ECI1: variants seen among roughly 807,000 people sequenced by gnomAD.
The protein encoded by ECI1 is enoyl-CoA delta isomerase 1.
In ECI1, 34 loss-of-function variants were observed where a neutral mutation model predicts 34.2. The ratio of observed to expected loss-of-function variants is 1.00; its 90% confidence interval spans 0.76 to 1.33. The LOEUF is 1.33. Ranked by LOEUF, ECI1 falls within the 40% of genes most tolerant of loss-of-function variation. ECI1 has a pLI of 0.00. For synonymous variants in ECI1, 211 were observed against 193.0 expected, an observed-to-expected ratio of 1.09 and a Z score of -0.77; for missense variants, 456 against 422.2, an observed-to-expected ratio of 1.08 and a Z score of -0.70.
Position 2,239,433 on chromosome 16 carries a change from C to T in ECI1, c.*546G>A, listed in dbSNP as rs2093522476. On this transcript the variant is annotated 3_prime_UTR_variant, in exon 7 of 7. Coordinates refer to ENST00000301729, the MANE Select transcript of ECI1 (RefSeq NM_001919.4). ...TGAGTTTGGTTCTTGCAAAATCCTT[C>T]TTAAGGGACATTTGGATCCCTGGCA... 1.2e-5 allele frequency: 2 copies of T among 168,358 alleles called. No homozygotes were observed. Among genetic ancestry groups the T allele is most frequent in the Non-Finnish European group, 2.6e-5 (2 of 76,660 alleles). 10.4% of individuals were successfully genotyped at this position (168,358 alleles called of 1,614,324 possible). A position where few individuals can be genotyped will look rare whatever the true frequency, so the allele number is the denominator to read the frequency against.
intron 4 of ECI1, among the ~76,000 whole-genome samples, 190 bp from the exon 5 acceptor site, chr16:2,243,629 C>T (rs768284054): frequency 2.0e-5 from 3 of 152,212 alleles, no homozygotes; most frequent in Non-Finnish European, 2.9e-5. Flanking sequence ...GGCCCCTTAG[C>T]GCTCGGCAAG....
chr16:2,251,081 A>C (rs1199068507), intron 2 of ECI1, among the ~76,000 whole-genome samples: 1 of 152,188 alleles, frequency 6.6e-6, no homozygotes, highest in Non-Finnish European at 1.5e-5. Context: ...CTGCCTCTTA[A>C]AGTGCTAGGA....
At chr16:2,245,502 G>A (rs765227457) in intron 3 of ECI1, among the ~76,000 whole-genome samples, 3 of 152,236 alleles carry the variant, frequency 2.0e-5, no homozygotes, top group Non-Finnish European at 4.4e-5. Flanking sequence ...TCCCAAACAG[G>A]TGTGAGCTGG....
intron 2 of ECI1, among the ~76,000 whole-genome samples, chr16:2,249,664 G>A (rs2093548127): frequency 6.6e-6 from 1 of 150,388 alleles, no homozygotes; most frequent in South Asian, 2.1e-4. Flanking sequence ...GAGGTCAGGA[G>A]ATCAAGACCA....
At position 2,244,547 on chromosome 16, in the gene ECI1, G is replaced by T; in HGVS notation, c.300C>A (p.Arg100=). Residue 100 remains arginine (R), a synonymous_variant, in exon 4 of 7, where the codon CGC becomes CGA. Coordinates refer to ENST00000301729, the MANE Select transcript of ECI1 (RefSeq NM_001919.4). The part of the protein sequence containing the change: ...SFRGVILTSD[R]PGVFSAGLDL... ...CCAGGCCGGCCGAGAAGACACCCGG[G>T]CGGTCCTGCAGGGGGAGCCGGGGCC... 1 of 1,585,002 alleles carries T rather than the reference G, an allele frequency of 6.3e-7. No individual in the cohort carries two copies. The highest frequency in any genetic ancestry group is 1.1e-5 in the South Asian group (1 of 87,106).
rs376966589 is a variant in ECI1 at position 2,243,178 on chromosome 16, G to T, written c.610C>A (p.Arg204Ser). ...AAGAGCAGCCCCAGCTGCAGGGCAC[G>T]CTCCGCCGCCCGGTGCCCGATGGTG... Reference protein sequence around the residue: ...ENTIGHRAAERALQLGLLFPP... With the variant: ...ENTIGHRAAESALQLGLLFPP... Residue 204 changes from arginine (R) to serine (S), a missense_variant, in exon 6 of 7, where the codon CGT (arginine) becomes AGT (serine). Coordinates refer to ENST00000301729, the MANE Select transcript of ECI1 (RefSeq NM_001919.4). 16 of 1,608,750 alleles carry T rather than the reference G, an allele frequency of 9.9e-6. No homozygotes were observed. Among genetic ancestry groups the T allele is most frequent in the Non-Finnish European group, 1.3e-5 (15 of 1,179,800 alleles).
intron 6 of ECI1, among the ~76,000 whole-genome samples, chr16:2,241,300 G>A (rs930660075): frequency 1.3e-5 from 2 of 152,082 alleles, no homozygotes; most frequent in African/African-American, 2.4e-5. Flanking sequence ...GCTATGAATA[G>A]TTTTTACTTT....
intron 6 of ECI1, chr16:2,242,755 T>G: frequency 2.0e-6 from 1 of 500,980 alleles, no homozygotes; most frequent in Non-Finnish European, 3.6e-6. Context: ...CAGGGAGGCC[T>G]GGAGCCAGCA....
At chr16:2,247,888 T>C (rs913529534) in intron 2 of ECI1, among the ~76,000 whole-genome samples, 1 of 151,638 alleles carries the variant, frequency 6.6e-6, no homozygotes, top group African/African-American at 2.4e-5. Flanking sequence ...TTTTATTTTT[T>C]AGTACAGACG....
intron 6 of ECI1, 56 bp from the exon 7 acceptor site, chr16:2,240,201 T>C (rs1178942225): frequency 5.1e-6 from 8 of 1,571,456 alleles, no homozygotes; most frequent in Admixed American, 1.7e-5. Flanking sequence ...GTGGGGTGAT[T>C]CCCAACTTAT....
chr16:2,250,907 C>A (rs2093551756), intron 2 of ECI1, among the ~76,000 whole-genome samples: 1 of 149,708 alleles, frequency 6.7e-6, no homozygotes, highest in South Asian at 2.1e-4. Context: ...CTGCAGCCTC[C>A]ACCTCCCAGA....
At chr16:2,242,777 G>GGCAGGAAGGAGCCTCCCTGGAAC (rs139828252) in intron 6 of ECI1, 13 of 534,444 alleles carry the variant, frequency 2.4e-5, no homozygotes, top group Non-Finnish European at 3.7e-5. Context: ...AAGTGGGCGG[G>GGCAGGAAGGAGCCTCCCTGGAAC]GCAGGAAGGA....
In ECI1 at chr16:2,246,959, G is replaced by A; in HGVS notation, c.194C>T (p.Pro65Leu). The A allele has an allele frequency of 1.2e-6, 2 of 1,613,700 alleles. No individual in the cohort carries two copies. Among genetic ancestry groups the A allele is most frequent in the Middle Eastern group, 1.7e-4 (1 of 6,052 alleles). ...CTCCAGGCTCAGGCTGTTCACTGGG[G>A]GGTTCTTGAATTTCATCACAGCGAC... ...AGVAVMKFKNPPVNSLSLEFL... is the reference protein window; with the variant it reads ...AGVAVMKFKNLPVNSLSLEFL... Residue 65 changes from proline (P) to leucine (L), a missense_variant, in exon 3 of 7, where the codon CCC (proline) becomes CTC (leucine). Pro to Leu is a moderately conservative substitution (Grantham distance 98). Coordinates refer to ENST00000301729, the MANE Select transcript of ECI1 (RefSeq NM_001919.4).
chr16:2,242,924 C>T (rs1338230414), intron 6 of ECI1, 122 bp downstream of exon 6: 3 of 795,382 alleles, frequency 3.8e-6, no homozygotes, highest in South Asian at 3.0e-5. Flanking sequence ...AGCCTCCTGA[C>T]ACCCACATGG....
intron 4 of ECI1, chr16:2,244,124 C>T (rs1161213291): frequency 7.6e-6 from 4 of 525,020 alleles, no homozygotes; most frequent in Non-Finnish European, 1.4e-5. Flanking sequence ...CACTCACCCA[C>T]ACAGCCTCCA....
intron 2 of ECI1, among the ~76,000 whole-genome samples, chr16:2,250,606 C>T (rs1263293767): frequency 6.6e-6 from 1 of 152,226 alleles, no homozygotes; most frequent in African/African-American, 2.4e-5. Context: ...AGCTCGGCCT[C>T]CTGTCTGGAG....
chr16:2,244,312 T>C, intron 4 of ECI1, 94 bp downstream of exon 4: 1 of 1,429,156 alleles, frequency 7.0e-7, no homozygotes, highest in East Asian at 2.4e-5. Flanking sequence ...CCCCTTCCCC[T>C]GTGAGAGATT....
intron 6 of ECI1, chr16:2,241,487 G>C (rs993101901): frequency 6.6e-6 from 1 of 152,030 alleles, no homozygotes; most frequent in Non-Finnish European, 1.5e-5. Flanking sequence ...AGTAGAGACG[G>C]GGTTTTGCCA....
At chr16:2,244,639 G>C (rs1399655970) in intron 3 of ECI1, 87 bp from the exon 4 acceptor site, 1 of 1,426,928 alleles carries the variant, frequency 7.0e-7, no homozygotes, top group Non-Finnish European at 9.6e-7. Flanking sequence ...CCAGGTGCAC[G>C]ACGCACAGCA....
Sources: gnomAD v4.1 joint callset for allele counts (sites outside exome capture counted in the v4.1 genomes callset) on GRCh38, gnomAD v4.1.1 for gene constraint, MANE v1.5 for transcripts, NCBI Gene and HGNC (gene_info 2026-07-23, HGNC 2026-07-21) for gene names.